The following AQP3 variants were observed in gnomAD, a reference collection of about 807,000 sequenced individuals.
AQP3 encodes the protein aquaporin-3.
AQP3 carries 15 observed loss-of-function variants against 30.3 expected under a neutral mutation model. The observed-to-expected ratio is 0.49, with a 90% CI of 0.33 to 0.76. AQP3 has a LOEUF of 0.76. AQP3 is among the 30% of genes least tolerant of loss of function. The pLI is 0.02. For synonymous variants in AQP3, 153 were observed against 163.2 expected (o/e 0.94, Z 0.47); for missense variants, 272 against 384.8 (o/e 0.71, Z 2.45).
At chr9:33,442,243 T>TG in intron 5 of AQP3, 32 bp from the exon 6 acceptor site, 1 of 1,603,814 alleles carries the variant, frequency 6.2e-7, no homozygotes, top group Non-Finnish European at 8.5e-7. Flanking sequence ...GTCAGGGACA[T>TG]GGGGGGCAGG....
At chr9:33,442,690 G>C (rs908281080) in intron 4 of AQP3, 162 bp downstream of exon 4, 1 of 1,054,628 alleles carries the variant, frequency 9.5e-7, no homozygotes, top group Non-Finnish European at 1.5e-6. Context: ...CTGGAGAGCC[G>C]CATGTTTTGT....
intron 1 of AQP3, among the ~76,000 whole-genome samples, chr9:33,445,659 C>G (rs990405559): frequency 6.6e-6 from 1 of 152,170 alleles, no homozygotes; most frequent in African/African-American, 2.4e-5. Context: ...AGTTCCACCA[C>G]CTTGGGGCTA....
Position 33,443,184 on chromosome 9 carries a change from C to A in AQP3, c.373+137G>T, listed in dbSNP as rs1419170093. The A allele has an allele frequency of 5.2e-6, 7 of 1,351,782 alleles. No individual in the cohort carries two copies. Among genetic ancestry groups the A allele is most frequent in the Middle Eastern group, 3.6e-4 (2 of 5,496 alleles). The allele number at this position is 1,351,782 out of a possible 1,614,324, so 83.7% of individuals were successfully genotyped here. On this transcript the variant is annotated intron_variant, in intron 3 of 5. Transcript: ENST00000297991. This position sits in a 1 kb window ranked among gnomAD's most constrained non-coding sequence, Gnocchi z 5.0. ...TTTCCCTTCGTGCCCCCTACCTTGA[C>A]CCTGTGCGTGAATGAGTGAGTCATG... is the stretch of plus-strand genomic sequence containing the variant.
chr9:33,446,592 C>T (rs1826916995), intron 1 of AQP3, among the ~76,000 whole-genome samples: 1 of 152,164 alleles, frequency 6.6e-6, no homozygotes, highest in Non-Finnish European at 1.5e-5. Context: ...AACAGAGTCA[C>T]TCAGAACAAA....
chr9:33,441,266 T>A lies in AQP3; in HGVS notation c.*777A>T, dbSNP rs1826826875. On this transcript the variant is annotated 3_prime_UTR_variant, in exon 6 of 6. Coordinates refer to ENST00000297991, the MANE Select transcript of AQP3 (RefSeq NM_004925.5). ...ACCCTTTCTAAAGTGGGGTCTCCCA[T>A]CCCGGATCCCTAAGACTGTAACATC... The A allele has an allele frequency of 6.5e-6, 1 of 152,992 alleles. No homozygotes were observed. The highest frequency in any genetic ancestry group is 2.1e-4 in the South Asian group (1 of 4,820). The allele number at this position is 152,992 out of a possible 1,614,324, so 9.5% of individuals were successfully genotyped here. A position where few individuals can be genotyped will look rare whatever the true frequency, so the allele number is the denominator to read the frequency against.
Position 33,441,759 on chromosome 9 carries a change from G to GCACACACACA in AQP3, c.*274_*283dup. On this transcript the variant is annotated 3_prime_UTR_variant, in exon 6 of 6. Transcript: ENST00000297991. ...CACATGCACACACATGCACACACATGCACACACACACATACCTGCTGCCCA... is the reference window on the plus strand; with the variant it reads ...CACATGCACACACATGCACACACATGCACACACACACACACACACACATACCTGCTGCCCA... 1.8e-6 allele frequency: 1 copy of GCACACACACA among 554,708 alleles called. No individual in the cohort carries two copies. Among genetic ancestry groups the GCACACACACA allele is most frequent in the Non-Finnish European group, 3.1e-6 (1 of 317,966 alleles). 34.4% of individuals were successfully genotyped at this position (554,708 alleles called of 1,614,324 possible).
intron 4 of AQP3, 32 bp from the exon 5 acceptor site, chr9:33,442,550 GCTCC>G: frequency 6.4e-7 from 1 of 1,564,814 alleles, no homozygotes; most frequent in Non-Finnish European, 8.7e-7. Flanking sequence ...GTGAGCTGCA[GCTCC>G]CTCCCTTTCT....
chr9:33,442,560 T>TTTCTC (rs1217439848), intron 4 of AQP3, 42 bp from the exon 5 acceptor site: 1 of 1,543,202 alleles, frequency 6.5e-7, no homozygotes. Context: ...GCTCCCTCCC[T>TTTCTC]TTCTCTGACC....
Position 33,442,622 on chromosome 9 carries a change from C to G in AQP3, c.493-104G>C. 7 of 1,253,608 alleles carry G rather than the reference C, an allele frequency of 5.6e-6. No individual in the cohort carries two copies. The South Asian group carries it at 7.7e-5, about 14-fold the overall frequency. 77.7% of individuals were successfully genotyped at this position (1,253,608 alleles called of 1,614,324 possible). On this transcript the variant is annotated intron_variant, in intron 4 of 5. Coordinates refer to ENST00000297991, the MANE Select transcript of AQP3 (RefSeq NM_004925.5). ...TAGCTCTTAAACTCTTGTCAGCGCCCGCCCATGCTCTTCTCCTGAAAGCAA... is the reference window on the plus strand; with the variant it reads ...TAGCTCTTAAACTCTTGTCAGCGCCGGCCCATGCTCTTCTCCTGAAAGCAA...
At chr9:33,442,789 C>T (rs746039157) in intron 4 of AQP3, 63 bp downstream of exon 4, 102 of 1,496,064 alleles carry the variant, frequency 6.8e-5, no homozygotes, top group Middle Eastern at 1.7e-4. Flanking sequence ...CCAACCAGCC[C>T]ATGAGCTACC....
rs746110957 is a variant in AQP3 at position 33,441,869 on chromosome 9, T to A, written c.*174A>T. ...TAGGGGCAGTGGCCTAAGGTGCTAT[T>A]TGGGCAAGGTCCAGTGGAAATCCTG... On this transcript the variant is annotated 3_prime_UTR_variant, in exon 6 of 6. Transcript: ENST00000297991. 9.2e-7 allele frequency: 1 copy of A among 1,085,654 alleles called. No homozygotes were observed. The highest frequency in any genetic ancestry group is 1.5e-5 in the South Asian group (1 of 66,616). The allele number at this position is 1,085,654 out of a possible 1,614,324, so 67.3% of individuals were successfully genotyped here. A position where few individuals can be genotyped will look rare whatever the true frequency, so the allele number is the denominator to read the frequency against.
At chr9:33,446,737 A>T (rs1017814429) in intron 1 of AQP3, among the ~76,000 whole-genome samples, 1 of 152,200 alleles carries the variant, frequency 6.6e-6, no homozygotes, top group Non-Finnish European at 1.5e-5. Flanking sequence ...TCTTCTGCAC[A>T]GACGCTGACA....
chr9:33,442,286 G>T lies in AQP3; in HGVS notation c.710+15C>A. ...AGAGGCAGGCTGGGGTGAGCTGGGT[G>T]GGGGCTGTACTCACGTGAAGACTGC... On this transcript the variant is annotated intron_variant, in intron 5 of 5. Transcript: ENST00000297991. 1 of 1,611,874 alleles carries T rather than the reference G, an allele frequency of 6.2e-7. No individual in the cohort carries two copies. The highest frequency in any genetic ancestry group is 1.3e-5 in the African/African-American group (1 of 75,032).
In AQP3 at chr9:33,443,092, G is replaced by T; in HGVS notation, c.374-122C>A. The T allele has an allele frequency of 9.1e-7, 1 of 1,096,624 alleles. No homozygotes were observed. The highest frequency in any genetic ancestry group is 1.4e-6 in the Non-Finnish European group (1 of 726,512). The allele number at this position is 1,096,624 out of a possible 1,614,324, so 67.9% of individuals were successfully genotyped here. On this transcript the variant is annotated intron_variant, in intron 3 of 5. Transcript: ENST00000297991. The surrounding 1 kb of genome is among the most constrained non-coding windows in gnomAD (Gnocchi z 5.0). ...TAAGTAGCAATACTGCTGTATTGCA[G>T]CAGGCAGAGGGGGTGGCGTGGGGTG...
At chr9:33,446,215 G>A (rs1204799036) in intron 1 of AQP3, among the ~76,000 whole-genome samples, 1 of 152,238 alleles carries the variant, frequency 6.6e-6, no homozygotes, top group Non-Finnish European at 1.5e-5. Flanking sequence ...GCACAGGAGA[G>A]AGGGGCTAGG....
At position 33,443,717 on chromosome 9, in the gene AQP3, TG is replaced by T; in HGVS notation, c.235+48del. 2 of 1,612,600 alleles carry T rather than the reference TG, an allele frequency of 1.2e-6. No individual in the cohort carries two copies. On this transcript the variant is annotated intron_variant, in intron 2 of 5. Transcript: ENST00000297991. The surrounding 1 kb of genome is among the most constrained non-coding windows in gnomAD (Gnocchi z 5.0). ...CCCTTAGGAATGCCAGGACACCTAG[TG>T]GGAATGCTATTGAGGGCCAAGGGCT...
Position 33,443,911 on chromosome 9 carries a change from G to A in AQP3, c.109-19C>T, listed in dbSNP as rs1826878918. On this transcript the variant is annotated intron_variant, in intron 1 of 5. Transcript: ENST00000297991. The surrounding 1 kb of genome is among the most constrained non-coding windows in gnomAD (Gnocchi z 5.0). ...CAAACATCTGTCAGGAAGAAGAACAGGCAGGGAGGGTGAGGACCAGCAACT... is the reference window on the plus strand; with the variant it reads ...CAAACATCTGTCAGGAAGAAGAACAAGCAGGGAGGGTGAGGACCAGCAACT... The A allele has an allele frequency of 6.2e-7, 1 of 1,611,282 alleles. No individual in the cohort carries two copies.
In AQP3 at chr9:33,441,926, G is replaced by A; in HGVS notation, c.*117C>T. ...CTGTCTCGTGGGGTGAGGGTAGATA[G>A]GGAGCTCCTTAGCCTGAAAGGGTGG... On this transcript the variant is annotated 3_prime_UTR_variant, in exon 6 of 6. Coordinates refer to ENST00000297991, the MANE Select transcript of AQP3 (RefSeq NM_004925.5). The A allele has an allele frequency of 6.8e-7, 1 of 1,473,146 alleles. No homozygotes were observed. Among genetic ancestry groups the A allele is most frequent in the Non-Finnish European group, 9.2e-7 (1 of 1,087,276 alleles). 91.3% of individuals were successfully genotyped at this position (1,473,146 alleles called of 1,614,324 possible).
chr9:33,442,468 G>A lies in AQP3; in HGVS notation c.543C>T (p.Pro181=), dbSNP rs1284706008. The A allele has an allele frequency of 6.2e-7, 1 of 1,611,484 alleles. No homozygotes were observed. Residue 181 remains proline, a synonymous_variant, in exon 5 of 6, where the codon CCC becomes CCT. Coordinates refer to ENST00000297991, the MANE Select transcript of AQP3 (RefSeq NM_004925.5). ...LIVCVLAIVD[P]YNNPVPRGLE... The stretch of plus-strand genomic sequence containing the variant: ...GGCCTCGGGGGACGGGGTTGTTGTA[G>A]GGGTCAACAATGGCCAGCACACACA...
Sources: gnomAD v4.1 joint callset for allele counts (sites outside exome capture counted in the v4.1 genomes callset) on GRCh38, gnomAD v4.1.1 for gene constraint, Gnocchi (gnomAD v3.1) non-coding constraint, MANE v1.5 for transcripts, NCBI Gene and HGNC (gene_info 2026-07-23, HGNC 2026-07-21) for gene names.